The following ZNF395 variants were observed in gnomAD, a reference collection of about 807,000 sequenced individuals.
ZNF395 encodes the protein zinc finger protein 395.
In ZNF395, 20 loss-of-function variants were observed where a neutral mutation model predicts 57.7. The observed-to-expected ratio is 0.35, with a 90% CI of 0.24 to 0.50. ZNF395 has a LOEUF of 0.50. Ranked by LOEUF, ZNF395 falls within the 20% of genes least tolerant of loss-of-function variation. The pLI, the probability that ZNF395 is intolerant of heterozygous loss-of-function variation, is 0.97. For synonymous variants in ZNF395, 295 were observed against 275.9 expected, an observed-to-expected ratio of 1.07 and a Z score of -0.69; for missense variants, 606 against 671.2, an observed-to-expected ratio of 0.90 and a Z score of 1.07.
rs751603677 is a variant in ZNF395, at chr8:28,348,839, A to T, written c.1431-9T>A. On this transcript the variant is annotated splice_polypyrimidine_tract_variant and intron_variant, in intron 9 of 9. Coordinates refer to ENST00000344423, the MANE Select transcript of ZNF395 (RefSeq NM_018660.3). Reference sequence around the variant, plus strand: ...CCTCCCCTCGGGCTTTCCTGCAGAAAGAGAGGAATGCAAATCGAGCCCCAC... The same window carrying T: ...CCTCCCCTCGGGCTTTCCTGCAGAATGAGAGGAATGCAAATCGAGCCCCAC... The T allele has an allele frequency of 1.2e-6, 2 of 1,613,762 alleles. No individual in the cohort carries two copies. Among genetic ancestry groups the T allele is most frequent in the East Asian group, 4.5e-5 (2 of 44,878 alleles).
rs1801741894 is a variant in ZNF395, at chr8:28,353,352, T to C, written c.640A>G (p.Ser214Gly). The C allele has an allele frequency of 7.5e-6, 12 of 1,599,906 alleles. No homozygotes were observed. Among genetic ancestry groups the C allele is most frequent in the Non-Finnish European group, 1.0e-5 (12 of 1,172,568 alleles). ...CTCCAGTGACCGCTGGTAGTGCTGCTGCCGCTGTCCGAGATGTCACCACTC... is the reference window on the plus strand; with the variant it reads ...CTCCAGTGACCGCTGGTAGTGCTGCCGCCGCTGTCCGAGATGTCACCACTC... ...KESGDISDSG[S>G]STTSGHWSGS... The change falls in exon 5 of 10, where the codon AGC becomes GGC. Residue 214 changes from serine (S) to glycine (G), a missense_variant. Ser to Gly is a moderately conservative substitution (Grantham distance 56). Around this residue, in one of 3 missense-constraint regions of ZNF395, gnomAD observed 309 missense variants for 374.7 expected, o/e 0.82. Transcript: ENST00000344423.
At chr8:28,374,179 C>T (rs1050835567) in intron 1 of ZNF395, among the ~76,000 whole-genome samples, 4 of 152,122 alleles carry the variant, frequency 2.6e-5, no homozygotes, top group East Asian at 1.9e-4. Flanking sequence ...GCATAGGAGC[C>T]GGGAACTATC....
intron 1 of ZNF395, among the ~76,000 whole-genome samples, chr8:28,369,454 C>A (rs754908620): frequency 2.0e-5 from 3 of 152,188 alleles, no homozygotes; most frequent in Admixed American, 6.5e-5. Flanking sequence ...GTAATCAAGG[C>A]ACCCATTTAG....
chr8:28,357,182 C>G (rs775998999), intron 3 of ZNF395, among the ~76,000 whole-genome samples: 1 of 152,084 alleles, frequency 6.6e-6, no homozygotes, highest in Non-Finnish European at 1.5e-5. Context: ...ACAAAAGATG[C>G]CCACTGGAAT....
intron 1 of ZNF395, among the ~76,000 whole-genome samples, chr8:28,366,027 TATG>T (rs1250638017): frequency 2.0e-5 from 3 of 152,192 alleles, no homozygotes; most frequent in African/African-American, 7.2e-5. Flanking sequence ...TGCAGCGAGC[TATG>T]ATATCACCTA....
At chr8:28,353,057 G>A (rs973198643) in intron 5 of ZNF395, 116 bp downstream of exon 5, 1 of 912,680 alleles carries the variant, frequency 1.1e-6, no homozygotes, top group Non-Finnish European at 1.7e-6. Flanking sequence ...ACCGAAATGG[G>A]AGTGAACCCA....
chr8:28,367,831 A>C (rs1801929275), intron 1 of ZNF395, among the ~76,000 whole-genome samples: 1 of 152,242 alleles, frequency 6.6e-6, no homozygotes, highest in Non-Finnish European at 1.5e-5. Context: ...AGATTCAAGA[A>C]AAACGTGTTA....
chr8:28,363,740 C>T lies in ZNF395; in HGVS notation c.-58-2558G>A, dbSNP rs189191455. On this transcript the variant is annotated intron_variant, in intron 1 of 9. Transcript: ENST00000344423. Reference sequence around the variant, plus strand: ...GGGTAGTATTTCCCAAATTCCTGGGCTCCCAGTCTTCAGACGGCGCCTGAA... The same window carrying T: ...GGGTAGTATTTCCCAAATTCCTGGGTTCCCAGTCTTCAGACGGCGCCTGAA... 1.8e-3 allele frequency among the ~76,000 whole-genome samples: 271 copies of T among 152,306 alleles called. 2 individuals are homozygous for T. Among genetic ancestry groups the T allele is most frequent in the Non-Finnish European group, 2.8e-3 (189 of 68,032 alleles).
intron 1 of ZNF395, among the ~76,000 whole-genome samples, chr8:28,383,620 G>A (rs1012485553): frequency 2.0e-5 from 3 of 152,100 alleles, no homozygotes; most frequent in Non-Finnish European, 4.4e-5. Context: ...GTTCAGAACC[G>A]AGCAATGTCA....
intron 1 of ZNF395, among the ~76,000 whole-genome samples, chr8:28,373,603 G>C (rs1440812326): frequency 3.3e-5 from 5 of 152,178 alleles, no homozygotes; most frequent in Non-Finnish European, 5.9e-5. Context: ...TTCCCATCCA[G>C]AGTCCACAAC....
At chr8:28,368,990 C>G (rs1032667281) in intron 1 of ZNF395, among the ~76,000 whole-genome samples, 6 of 152,192 alleles carry the variant, frequency 3.9e-5, no homozygotes, top group African/African-American at 1.2e-4. Flanking sequence ...TGCCTGCCAC[C>G]ATGCCGGGCT....
intron 1 of ZNF395, among the ~76,000 whole-genome samples, chr8:28,377,122 T>G (rs561119438): frequency 1.6e-4 from 25 of 152,296 alleles, no homozygotes; most frequent in African/African-American, 6.0e-4. Flanking sequence ...GGAAGAGGAA[T>G]CTAAAAGTTT....
Position 28,346,612 on chromosome 8 carries a change from T to A in ZNF395, c.*2107A>T, listed in dbSNP as rs568291591. 2.0e-5 allele frequency: 3 copies of A among 151,986 alleles called. No individual in the cohort carries two copies. Among genetic ancestry groups the A allele is most frequent in the African/African-American group, 7.2e-5 (3 of 41,388 alleles). 9.4% of individuals were successfully genotyped at this position (151,986 alleles called of 1,614,324 possible). A position where few individuals can be genotyped will look rare whatever the true frequency, so the allele number is the denominator to read the frequency against. ...TAAGAAGCCTGCACAAAGAGAAAAA[T>A]CCGTATATCCAGTTATATCTACACG... On this transcript the variant is annotated 3_prime_UTR_variant, in exon 10 of 10. Coordinates refer to ENST00000344423, the MANE Select transcript of ZNF395 (RefSeq NM_018660.3).
At chr8:28,380,151 G>A (rs1802091803) in intron 1 of ZNF395, among the ~76,000 whole-genome samples, 1 of 151,328 alleles carries the variant, frequency 6.6e-6, no homozygotes, top group South Asian at 2.1e-4. Flanking sequence ...GTTTTTACTA[G>A]AGTTTAAAAA....
intron 4 of ZNF395, among the ~76,000 whole-genome samples, chr8:28,355,550 A>T (rs897038968): frequency 6.6e-6 from 1 of 152,062 alleles, no homozygotes; most frequent in Admixed American, 6.6e-5. Context: ...TGTATTATAC[A>T]TACCCTCATG....
At chr8:28,349,059 G>T in intron 9 of ZNF395, 66 bp downstream of exon 9, 4 of 1,466,282 alleles carry the variant, frequency 2.7e-6, no homozygotes, top group Non-Finnish European at 3.7e-6. Context: ...GGGTGGGGTC[G>T]GAGTCCACGC....
At chr8:28,380,519 C>T (rs1356507144) in intron 1 of ZNF395, among the ~76,000 whole-genome samples, 1 of 152,194 alleles carries the variant, frequency 6.6e-6, no homozygotes, top group Non-Finnish European at 1.5e-5. Context: ...CCCTACTGTA[C>T]TCATTTTCAG....
chr8:28,384,435 C>T (rs1031305696), intron 1 of ZNF395, among the ~76,000 whole-genome samples: 1 of 152,196 alleles, frequency 6.6e-6, no homozygotes, highest in Admixed American at 6.5e-5. Context: ...CCCACAACTC[C>T]CTTCTCTGAC....
In ZNF395 at chr8:28,356,879, A is replaced by G; in HGVS notation, c.474-100T>C. The G allele has an allele frequency of 1.1e-6, 1 of 916,312 alleles. No individual in the cohort carries two copies. Among genetic ancestry groups the G allele is most frequent in the Non-Finnish European group, 1.7e-6 (1 of 591,340 alleles). 56.8% of individuals were successfully genotyped at this position (916,312 alleles called of 1,614,324 possible). ...CACTTCTGGCTGGTTTCACACAATC[A>G]TCTTACACTTCTGGACTGTCCCCTC... On this transcript the variant is annotated intron_variant, in intron 3 of 9. Transcript: ENST00000344423. This position sits in a 1 kb window ranked among gnomAD's most constrained non-coding sequence, Gnocchi z 4.0.
Sources: allele counts gnomAD v4.1 joint callset (sites outside exome capture counted in the v4.1 genomes callset), GRCh38; gene constraint gnomAD v4.1.1; regional missense constraint gnomAD v4.1.1; non-coding constraint Gnocchi (gnomAD v3.1); transcripts MANE v1.5; gene names NCBI Gene and HGNC (gene_info 2026-07-23, HGNC 2026-07-21).